PTPN3: variants seen among roughly 807,000 people sequenced by gnomAD.
PTPN3 encodes tyrosine-protein phosphatase non-receptor type 3.
In PTPN3, 96 loss-of-function variants were observed where a neutral mutation model predicts 132.7. The ratio of observed to expected loss-of-function variants is 0.72; its 90% CI spans 0.61 to 0.86. The LOEUF (loss-of-function observed/expected upper bound fraction) is 0.86, where lower values mean the gene tolerates loss of function less well. PTPN3 is among the 40% of genes least tolerant of loss of function. The pLI is 0.00. For synonymous variants in PTPN3, 398 were observed against 429.0 expected (o/e 0.93, Z 0.89); for missense variants, 1,125 against 1,159.6 (o/e 0.97, Z 0.43).
intron 19 of PTPN3, among the ~76,000 whole-genome samples, chr9:109,402,433 C>T (rs1841215899): frequency 6.6e-6 from 1 of 152,030 alleles, no homozygotes; most frequent in African/African-American, 2.4e-5. Context: ...TGCCTGCCAC[C>T]CCGCCTGGCT....
chr9:109,391,305 C>A, intron 20 of PTPN3, 106 bp from the exon 21 acceptor site: 1 of 1,283,982 alleles, frequency 7.8e-7, no homozygotes, highest in Non-Finnish European at 1.1e-6. Flanking sequence ...GCCTCATTAG[C>A]ATAAACACTA....
chr9:109,450,840 A>G, intron 5 of PTPN3: 1 of 985,448 alleles, frequency 1.0e-6, no homozygotes, highest in Non-Finnish European at 1.2e-6. Flanking sequence ...CTTCAGAAAA[A>G]TGTAATGACC....
the PTPN3 span, among the ~76,000 whole-genome samples, chr9:109,521,798 T>C: frequency 6.6e-6 from 1 of 152,246 alleles, no homozygotes. Flanking sequence ...TCAAGGGTGC[T>C]TGTGTTCATC....
At chr9:109,410,673 C>T (rs951243453) in intron 14 of PTPN3, among the ~76,000 whole-genome samples, 3 of 152,158 alleles carry the variant, frequency 2.0e-5, no homozygotes, top group Non-Finnish European at 4.4e-5. Context: ...AAACTTTGCT[C>T]CCTTCCCCGC....
upstream of PTPN3, chr9:109,498,379 G>T (rs996491730): frequency 3.4e-5 from 5 of 147,132 alleles, no homozygotes; most frequent in East Asian, 4.0e-4. This position sits in a 1 kb window ranked among gnomAD's most constrained non-coding sequence, Gnocchi z 4.2. Flanking sequence ...CGCGCCGGGC[G>T]GGGGGCGGGC....
At chr9:109,456,424 C>T (rs76520773) in intron 4 of PTPN3, among the ~76,000 whole-genome samples, 5,959 of 152,228 alleles carry the variant, frequency 0.039, 324 homozygotes, top group East Asian at 0.29. Context: ...CCCACAGTTT[C>T]TAGGAGAGGA....
chr9:109,444,013 C>T (rs11789483), intron 7 of PTPN3, among the ~76,000 whole-genome samples: 1,651 of 152,246 alleles, frequency 0.011, 26 homozygotes, highest in Non-Finnish European at 0.013. Context: ...GACCTAGGGC[C>T]ACCTCAGGAG....
chr9:109,440,783 T>G (rs750529377), intron 7 of PTPN3, among the ~76,000 whole-genome samples: 5 of 152,202 alleles, frequency 3.3e-5, no homozygotes, highest in African/African-American at 4.8e-5. Context: ...GGTTCTCTCT[T>G]TAGGCAAGTT....
At chr9:109,461,190 T>C (rs1345758069) in intron 2 of PTPN3, among the ~76,000 whole-genome samples, 1 of 152,090 alleles carries the variant, frequency 6.6e-6, no homozygotes, top group Non-Finnish European at 1.5e-5. Flanking sequence ...TTAAGGGAAA[T>C]ATTTACAACC....
intron 1 of PTPN3, among the ~76,000 whole-genome samples, chr9:109,477,655 A>G (rs1281606402): frequency 6.6e-6 from 1 of 152,222 alleles, no homozygotes; most frequent in Non-Finnish European, 1.5e-5. Flanking sequence ...CCCTGGGTTA[A>G]TTATTAGCAG....
At chr9:109,516,345 C>T in the PTPN3 span, among the ~76,000 whole-genome samples, 2 of 152,062 alleles carry the variant, frequency 1.3e-5, no homozygotes, top group Non-Finnish European at 2.9e-5. Flanking sequence ...AGTACGAGTA[C>T]GATACTGAGG....
intron 19 of PTPN3, among the ~76,000 whole-genome samples, chr9:109,395,000 C>T (rs1050535664): frequency 1.3e-5 from 2 of 151,650 alleles, no homozygotes; most frequent in Non-Finnish European, 2.9e-5. Context: ...ATTAGCTGGG[C>T]GTGGCAGCAG....
chr9:109,526,702 A>C, the PTPN3 span, among the ~76,000 whole-genome samples: 1 of 152,188 alleles, frequency 6.6e-6, no homozygotes, highest in African/African-American at 2.4e-5. Context: ...AATTTATGTG[A>C]GAGCAAAGGA....
At chr9:109,384,190 CG>C (rs900366675) in intron 22 of PTPN3, among the ~76,000 whole-genome samples, 3 of 152,044 alleles carry the variant, frequency 2.0e-5, no homozygotes, top group African/African-American at 7.2e-5. Context: ...AGGGGGCAGG[CG>C]GGGGTGGCCA....
chr9:109,391,749 ATT>A lies in PTPN3; in HGVS notation c.1954-190_1954-189del, dbSNP rs10707863. 1.3e-3 allele frequency among the ~76,000 whole-genome samples: 200 copies of A among 149,952 alleles called. 1 individual carries two copies. The highest frequency in any genetic ancestry group is 4.6e-3 in the African/African-American group (188 of 40,700). On this transcript the variant is annotated intron_variant, in intron 19 of 25. Transcript: ENST00000374541. ...GAGAAACTGACTAAACTCTTTAATA[ATT>A]TTTTTTTTTAATTTGAAAAAATGCC...
At chr9:109,393,124 C>T (rs1217328787) in intron 19 of PTPN3, among the ~76,000 whole-genome samples, 1 of 152,194 alleles carries the variant, frequency 6.6e-6, no homozygotes, top group Non-Finnish European at 1.5e-5. Context: ...TGGAAAATCT[C>T]AGCATCTAAT....
the PTPN3 span, among the ~76,000 whole-genome samples, chr9:109,512,269 G>T: frequency 2.0e-3 from 311 of 152,176 alleles, 2 homozygotes; most frequent in Middle Eastern, 3.4e-3. Flanking sequence ...CCTCTGGAGG[G>T]GGAGACTCAC....
intron 6 of PTPN3, among the ~76,000 whole-genome samples, chr9:109,448,045 C>T (rs1267362860): frequency 2.0e-5 from 3 of 152,314 alleles, no homozygotes; most frequent in Middle Eastern, 6.8e-3. Context: ...TTTTCTAGCT[C>T]ACACCAGCAG....
In PTPN3 at chr9:109,463,359, G is replaced by C; in HGVS notation, c.76C>G (p.Arg26Gly). The C allele has an allele frequency of 6.2e-7, 1 of 1,613,730 alleles. No individual in the cohort carries two copies. The highest frequency in any genetic ancestry group is 8.5e-7 in the Non-Finnish European group (1 of 1,179,924). Residue 26 changes from arginine (R) to glycine (G), a missense_variant, in exon 2 of 26, where the codon CGA becomes GGA. Arg to Gly is a moderately radical substitution (Grantham distance 125). Transcript: ENST00000374541. ...RTSELPKEKT[R>G]SEVICSIHFL... ...TGGATGCTGCAAATGACTTCTGATC[G>C]AGTTTTCTCTTTGGGTAACTCCGAG...
Sources: allele counts gnomAD v4.1 joint callset (sites outside exome capture counted in the v4.1 genomes callset), GRCh38; gene constraint gnomAD v4.1.1; non-coding constraint Gnocchi (gnomAD v3.1); transcripts MANE v1.5; gene names NCBI Gene and HGNC (gene_info 2026-07-23, HGNC 2026-07-21).